Variants in MCF2 observed in about 807,000 individuals in gnomAD.
MCF2 encodes proto-oncogene DBL.
Under a neutral mutation model 82.5 loss-of-function variants are expected in MCF2, and 44 were observed. The ratio of observed to expected loss-of-function variants is 0.53; its 90% confidence interval spans 0.42 to 0.69. The LOEUF (loss-of-function observed/expected upper bound fraction) is 0.69, where lower values mean the gene tolerates loss of function less well. Ranked by LOEUF, MCF2 falls within the 30% of genes least tolerant of loss-of-function variation. MCF2 has a pLI of 0.00. For synonymous variants in MCF2, 217 were observed against 224.9 expected, an observed-to-expected ratio of 0.96 and a Z score of 0.32; for missense variants, 623 against 663.1, an observed-to-expected ratio of 0.94 and a Z score of 0.66.
intron 1 of MCF2, among the ~76,000 whole-genome samples, chrX:139,686,793 G>C (rs9969940): frequency 1.5e-3 from 167 of 111,302 alleles, no homozygotes; most frequent in African/African-American, 5.3e-3. Context: ...TTACCTCTCT[G>C]GTTCAAGTTG....
upstream of MCF2, chrX:139,646,970 T>C: frequency 3.0e-6 from 2 of 665,116 alleles, no homozygotes; most frequent in Non-Finnish European, 2.3e-6. Flanking sequence ...GAAGAGGATT[T>C]TAGATTTGAA....
intron 7 of MCF2, 90 bp from the exon 11 acceptor site, chrX:139,617,794 TG>T: frequency 1.9e-6 from 1 of 536,416 alleles, no homozygotes; most frequent in East Asian, 4.0e-5. Context: ...GCAAAATGTT[TG>T]AGCAAGAAGG....
Position 139,603,760 on chromosome X carries a change from G to A in MCF2, c.1743+921C>T, listed in dbSNP as rs775593170. Among the ~76,000 whole-genome samples, 317 of 109,882 alleles carry A rather than the reference G, an allele frequency of 2.9e-3. 1 individual carries two copies. Among genetic ancestry groups the A allele is most frequent in the African/African-American group, 9.5e-3 (285 of 30,102 alleles). Reference sequence around the variant, plus strand: ...TGAGGCAGGAGAATGGTGTGAACCCGGGACGTGGAGGTTGCAGTGAGCCGA... The same window carrying A: ...TGAGGCAGGAGAATGGTGTGAACCCAGGACGTGGAGGTTGCAGTGAGCCGA... On this transcript the variant is annotated intron_variant, in intron 15 of 24. Coordinates refer to ENST00000370576, the Ensembl canonical transcript of MCF2.
intron 1 of MCF2, among the ~76,000 whole-genome samples, chrX:139,675,914 T>C (rs1603306021): frequency 8.8e-6 from 1 of 113,053 alleles, no homozygotes; most frequent in East Asian, 2.8e-4. Context: ...TATTCAGCTA[T>C]GCCCTGCCCC....
At chrX:139,602,925 T>G (rs929684012) in intron 15 of MCF2, among the ~76,000 whole-genome samples, 37 of 112,079 alleles carry the variant, frequency 3.3e-4, no homozygotes, top group African/African-American at 1.2e-3. Context: ...TGTAGCATAA[T>G]CCATTTAGGC....
intron 24 of MCF2, 35 bp from the exon 29 acceptor site, chrX:139,582,538 T>A (rs1365527875): frequency 9.0e-7 from 1 of 1,111,820 alleles, no homozygotes; most frequent in Non-Finnish European, 1.2e-6. Context: ...TTGCTCAGTT[T>A]ACAACTTGAC....
At chrX:139,605,472 T>C (rs772904551) in intron 13 of MCF2, among the ~76,000 whole-genome samples, 124 of 111,707 alleles carry the variant, frequency 1.1e-3, no homozygotes, top group Non-Finnish European at 2.0e-3. Context: ...GCTGTATCCC[T>C]AAGAGAACAT....
chrX:139,692,150 AC>A (rs1242142533), intron 1 of MCF2: 3 of 1,116,521 alleles, frequency 2.7e-6, no homozygotes, highest in Non-Finnish European at 3.6e-6. Flanking sequence ...GCCTTGGCGA[AC>A]CCAGGTAGGG....
At chrX:139,648,245 G>A (rs770168609) in intron 2 of MCF2, among the ~76,000 whole-genome samples, 21 of 109,675 alleles carry the variant, frequency 1.9e-4, no homozygotes, top group African/African-American at 5.3e-4. Context: ...GGTGGTGCAC[G>A]CCTGTAATCC....
intron 8 of MCF2, among the ~76,000 whole-genome samples, 190 bp downstream of exon 11, chrX:139,617,323 T>A (rs1433842542): frequency 9.0e-6 from 1 of 111,307 alleles, no homozygotes; most frequent in African/African-American, 3.3e-5. Flanking sequence ...GATGAAAAAA[T>A]CATAATCAAA....
intron 1 of MCF2, among the ~76,000 whole-genome samples, chrX:139,682,974 C>T (rs1021506017): frequency 2.7e-5 from 3 of 111,633 alleles, no homozygotes; most frequent in Non-Finnish European, 5.6e-5. Flanking sequence ...CTGTCACCCA[C>T]GCTGGAGTGC....
intron 3 of MCF2, among the ~76,000 whole-genome samples, chrX:139,630,718 G>A (rs756642071): frequency 3.6e-5 from 4 of 111,682 alleles, no homozygotes; most frequent in Non-Finnish European, 7.6e-5. Context: ...TCTTCAGAAG[G>A]GTTCCCCTAT....
intron 12 of MCF2, among the ~76,000 whole-genome samples, chrX:139,606,550 G>A (rs928561290): frequency 8.1e-5 from 9 of 110,683 alleles, no homozygotes; most frequent in Non-Finnish European, 1.7e-4. Context: ...GTAGAGACGG[G>A]GTTTCACCAT....
intron 6 of MCF2, among the ~76,000 whole-genome samples, chrX:139,621,981 C>G (rs1932407193): frequency 9.0e-6 from 1 of 111,503 alleles, no homozygotes; most frequent in South Asian, 3.8e-4. Flanking sequence ...ACCTACTCAT[C>G]TGACAAAGGG....
At chrX:139,640,654 C>A (rs1933507801) in intron 1 of MCF2, among the ~76,000 whole-genome samples, 1 of 111,361 alleles carries the variant, frequency 9.0e-6, no homozygotes, top group African/African-American at 3.3e-5. Flanking sequence ...CCTCCAGAAT[C>A]AGCCCAATTC....
intron 10 of MCF2, 31 bp from the exon 14 acceptor site, chrX:139,613,294 A>G: frequency 9.5e-7 from 1 of 1,057,199 alleles, no homozygotes. Flanking sequence ...GCCATTAAAT[A>G]AGAATATCAG....
intron 1 of MCF2, among the ~76,000 whole-genome samples, chrX:139,676,736 C>T (rs944000965): frequency 1.8e-5 from 2 of 111,825 alleles, no homozygotes; most frequent in African/African-American, 6.5e-5. Flanking sequence ...AGTAAGTGCT[C>T]GATAAATGTC....
chrX:139,628,947 A>C (rs1189958221), intron 4 of MCF2, among the ~76,000 whole-genome samples: 1 of 111,854 alleles, frequency 8.9e-6, no homozygotes, highest in Non-Finnish European at 1.9e-5. Context: ...AAGAGAACTT[A>C]CAATCAATTG....
intron 4 of MCF2, among the ~76,000 whole-genome samples, chrX:139,627,246 CTT>C (rs1042066511): frequency 3.6e-5 from 4 of 111,998 alleles, no homozygotes; most frequent in African/African-American, 1.3e-4. Context: ...TCTGCTAACA[CTT>C]TTAATGAGCT....
Sources: gnomAD v4.1 joint callset for allele counts (sites outside exome capture counted in the v4.1 genomes callset) on GRCh38, gnomAD v4.1.1 for gene constraint, MANE v1.5 for transcripts, NCBI Gene and HGNC (gene_info 2026-07-23, HGNC 2026-07-21) for gene names.